The following ERLEC1 variants were observed in gnomAD, a reference collection of about 807,000 sequenced individuals.
ERLEC1 encodes the protein endoplasmic reticulum lectin 1.
ERLEC1 carries 47 observed loss-of-function variants against 68.0 expected under a neutral mutation model. The observed-to-expected ratio is 0.69, with a 90% confidence interval of 0.55 to 0.88. The LOEUF is 0.88. Among genes scored for constraint, ERLEC1 ranks in the 40% least tolerant of loss-of-function variants. ERLEC1 has a pLI of 0.00. For synonymous variants in ERLEC1, 225 were observed against 203.2 expected (o/e 1.11, Z -0.91); for missense variants, 567 against 583.8 (o/e 0.97, Z 0.30).
chr2:53,817,046 C>T (rs532080492), intron 13 of ERLEC1, among the ~76,000 whole-genome samples: 1 of 152,040 alleles, frequency 6.6e-6, no homozygotes, highest in Admixed American at 6.6e-5. Flanking sequence ...TCTGCTGTGC[C>T]CAGTCCATTG....
In ERLEC1 at chr2:53,808,339, T is replaced by C. The variant is rs144335627; in HGVS notation, c.920T>C (p.Ile307Thr). Residue 307 changes from isoleucine (I) to threonine (T), a missense_variant, in exon 9 of 14, where the codon ATC becomes ACC. Transcript: ENST00000185150. ...QSTKEERFPA[I>T]HKSIAIGSQP... is the part of the protein sequence containing the mutation. Reference sequence around the variant, plus strand: ...ACTAAAGAAGAGAGATTTCCAGCGATCCACAAGTCGATTGCTATTGGCTCT... The same window carrying C: ...ACTAAAGAAGAGAGATTTCCAGCGACCCACAAGTCGATTGCTATTGGCTCT... 5 of 1,614,044 alleles carry C rather than the reference T, an allele frequency of 3.1e-6. No homozygotes were observed. The highest frequency in any genetic ancestry group is 2.5e-6 in the Non-Finnish European group (3 of 1,180,038).
Position 53,818,045 on chromosome 2 carries a change from A to G in ERLEC1, c.*76A>G. On this transcript the variant is annotated 3_prime_UTR_variant, in exon 14 of 14. Coordinates refer to ENST00000185150, the MANE Select transcript of ERLEC1 (RefSeq NM_015701.5). ...TCTGTCCCACTGTGTCTCATTATAG[A>G]GTTCTCAGCCATTGGACCTCTTCTA... is the stretch of plus-strand genomic sequence containing the variant. 1 of 977,358 alleles carries G rather than the reference A, an allele frequency of 1.0e-6. No homozygotes were observed. The allele number at this position is 977,358 out of a possible 1,614,324, so 60.5% of individuals were successfully genotyped here.
intron 8 of ERLEC1, among the ~76,000 whole-genome samples, chr2:53,807,769 G>T (rs1444681538): frequency 6.6e-6 from 1 of 152,092 alleles, no homozygotes; most frequent in Non-Finnish European, 1.5e-5. Flanking sequence ...CACTTTGGGA[G>T]TCCGAGGTGG....
At position 53,787,540 on chromosome 2, in the gene ERLEC1, C is replaced by A; in HGVS notation, c.162+168C>A. 4 of 722,904 alleles carry A rather than the reference C, an allele frequency of 5.5e-6. No homozygotes were observed. In the East Asian group the frequency reaches 8.8e-5, roughly 16 times the overall value. 44.8% of individuals were successfully genotyped at this position (722,904 alleles called of 1,614,324 possible). ...GCGTTCATTCATTCGTTCGTTCTCA[C>A]GTTATGTGGATGCGTCCCCCTTGCT... On this transcript the variant is annotated intron_variant, in intron 1 of 13. Coordinates refer to ENST00000185150, the MANE Select transcript of ERLEC1 (RefSeq NM_015701.5).
Position 53,818,154 on chromosome 2 carries a change from A to G in ERLEC1, c.*185A>G, listed in dbSNP as rs1413392452. On this transcript the variant is annotated 3_prime_UTR_variant, in exon 14 of 14. Transcript: ENST00000185150. ...TTATTGATAAACTTCTGAGGCAGAC[A>G]TTTGTCTCGCTTTTTTTCATTTTTG... is the stretch of plus-strand genomic sequence containing the variant. 2 of 441,686 alleles carry G rather than the reference A, an allele frequency of 4.5e-6. No individual in the cohort carries two copies. Among genetic ancestry groups the G allele is most frequent in the African/African-American group, 3.9e-5 (2 of 51,042 alleles). 27.4% of individuals were successfully genotyped at this position (441,686 alleles called of 1,614,324 possible). A position where few individuals can be genotyped will look rare whatever the true frequency, so the allele number is the denominator to read the frequency against.
intron 13 of ERLEC1, among the ~76,000 whole-genome samples, chr2:53,815,983 A>G (rs979024499): frequency 1.3e-5 from 2 of 151,568 alleles, no homozygotes; most frequent in African/African-American, 4.9e-5. Context: ...TGGCTTGCCT[A>G]TTCATTTTTC....
intron 8 of ERLEC1, among the ~76,000 whole-genome samples, chr2:53,804,966 CGTT>C (rs1432849316): frequency 6.7e-6 from 1 of 149,146 alleles, no homozygotes. Context: ...ATTCCATCCA[CGTT>C]GTTGCAAATG....
rs751868369 is a variant in ERLEC1, at chr2:53,790,015, CAAAAAAA to C, written c.162+2653_162+2659del. Among the ~76,000 whole-genome samples the C allele has an allele frequency of 3.8e-4, 33 of 85,966 alleles. No individual in the cohort carries two copies. The East Asian group carries it at 8.8e-3, about 23-fold the overall frequency. The allele number at this position is 85,966 out of a possible 152,430, so 56.4% of individuals were successfully genotyped here. A position where few individuals can be genotyped will look rare whatever the true frequency, so the allele number is the denominator to read the frequency against. ...TCCTGGGCGACAGAGGAGTCTGTCT[CAAAAAAA>C]AAAAAAAAAGAAAAGAAAAGAAACC... On this transcript the variant is annotated intron_variant, in intron 1 of 13. Coordinates refer to ENST00000185150, the MANE Select transcript of ERLEC1 (RefSeq NM_015701.5).
rs564246172 is a variant in ERLEC1, at chr2:53,794,945, G to A, written c.267+496G>A. Among the ~76,000 whole-genome samples the A allele has an allele frequency of 2.5e-3, 374 of 152,244 alleles. 1 individual carries two copies. The highest frequency in any genetic ancestry group is 8.8e-3 in the African/African-American group (365 of 41,554). On this transcript the variant is annotated intron_variant, in intron 2 of 13. Coordinates refer to ENST00000185150, the MANE Select transcript of ERLEC1 (RefSeq NM_015701.5). ...TGGGATTACAGGCATGAGACACCAT[G>A]CCCGGCCGCAACCAATTATTAACGT...
chr2:53,814,183 A>G (rs1676738812), intron 11 of ERLEC1, among the ~76,000 whole-genome samples: 1 of 152,190 alleles, frequency 6.6e-6, no homozygotes, highest in African/African-American at 2.4e-5. Context: ...TTGATGGAGG[A>G]CGGAAGCAAA....
In ERLEC1 at chr2:53,797,542, T is replaced by C; in HGVS notation, c.376T>C (p.Cys126Arg). The C allele has an allele frequency of 2.5e-6, 4 of 1,612,604 alleles. No homozygotes were observed. The highest frequency in any genetic ancestry group is 2.5e-6 in the Non-Finnish European group (3 of 1,179,470). Reference sequence around the variant, plus strand: ...TGAGTCTTATTGGACTTACGAAGTATGTCATGGAAAACACATTCGGCAGTA... The same window carrying C: ...TGAGTCTTATTGGACTTACGAAGTACGTCATGGAAAACACATTCGGCAGTA... ...RIESYWTYEV[C>R]HGKHIRQYHE... The change falls in exon 4 of 14, where the codon TGT becomes CGT. Residue 126 changes from cysteine (C) to arginine (R), a missense_variant. By Grantham distance (180) the Cys-to-Arg change is radical. Transcript: ENST00000185150.
At chr2:53,792,460 T>C (rs1675463750) in intron 1 of ERLEC1, among the ~76,000 whole-genome samples, 1 of 152,230 alleles carries the variant, frequency 6.6e-6, no homozygotes. Context: ...TTCTCTGGCC[T>C]CTGCTACTTC....
At chr2:53,799,685 TA>T (rs1675905640) in intron 6 of ERLEC1, among the ~76,000 whole-genome samples, 1 of 152,176 alleles carries the variant, frequency 6.6e-6, no homozygotes, top group South Asian at 2.1e-4. Flanking sequence ...AACTTATTAA[TA>T]GAGGATATTT....
At chr2:53,795,780 A>T (rs1360973862) in intron 2 of ERLEC1, among the ~76,000 whole-genome samples, 153 bp from the exon 3 acceptor site, 1 of 152,206 alleles carries the variant, frequency 6.6e-6, no homozygotes, top group Non-Finnish European at 1.5e-5. Context: ...TTTGAAAGCA[A>T]TGGCGTACCG....
chr2:53,790,257 CT>C (rs2104270705), intron 1 of ERLEC1, among the ~76,000 whole-genome samples: 1 of 108,980 alleles, frequency 9.2e-6, no homozygotes, highest in African/African-American at 3.8e-5. Context: ...CCACACCTGG[CT>C]AATTTTTTTT....
At chr2:53,790,665 AG>A (rs1675344448) in intron 1 of ERLEC1, among the ~76,000 whole-genome samples, 1 of 152,114 alleles carries the variant, frequency 6.6e-6, no homozygotes, top group East Asian at 1.9e-4. Context: ...TGGTAGAGAT[AG>A]TTTCCCTATG....
At chr2:53,816,091 A>T (rs888322361) in intron 13 of ERLEC1, among the ~76,000 whole-genome samples, 2 of 151,742 alleles carry the variant, frequency 1.3e-5, no homozygotes, top group African/African-American at 2.4e-5. Flanking sequence ...TTGCCTCCCA[A>T]AGTGCAGGGA....
At position 53,814,995 on chromosome 2, in the gene ERLEC1, CTTTTTTTT is replaced by C. The variant is rs777632156; in HGVS notation, c.1380+74_1380+81del. 848 of 470,024 alleles carry C rather than the reference CTTTTTTTT, an allele frequency of 1.8e-3. 1 individual carries two copies. Among genetic ancestry groups the C allele is most frequent in the Middle Eastern group, 6.9e-3 (9 of 1,308 alleles). The allele number at this position is 470,024 out of a possible 1,614,324, so 29.1% of individuals were successfully genotyped here. A position where few individuals can be genotyped will look rare whatever the true frequency, so the allele number is the denominator to read the frequency against. ...TTGAGCCATGTTTTAATTTTTTTTT[CTTTTTTTT>C]TTTTTTTTTTTTTGTTTTTTTGAGA... On this transcript the variant is annotated intron_variant, in intron 13 of 13. Transcript: ENST00000185150.
chr2:53,796,115 T>C lies in ERLEC1; in HGVS notation c.348+102T>C. The C allele has an allele frequency of 3.9e-6, 3 of 762,060 alleles. No individual in the cohort carries two copies. The East Asian group carries it at 8.3e-5, about 21-fold the overall frequency. The allele number at this position is 762,060 out of a possible 1,614,324, so 47.2% of individuals were successfully genotyped here. A position where few individuals can be genotyped will look rare whatever the true frequency, so the allele number is the denominator to read the frequency against. ...TCTTTATTATGTTGTGTCAGGTTTTTTTTTTTAACTATTATTTTAGGTTTA... is the reference window on the plus strand; with the variant it reads ...TCTTTATTATGTTGTGTCAGGTTTTCTTTTTTAACTATTATTTTAGGTTTA... On this transcript the variant is annotated intron_variant, in intron 3 of 13. Coordinates refer to ENST00000185150, the MANE Select transcript of ERLEC1 (RefSeq NM_015701.5).
Sources: allele counts gnomAD v4.1 joint callset (sites outside exome capture counted in the v4.1 genomes callset), GRCh38; gene constraint gnomAD v4.1.1; transcripts MANE v1.5; gene names NCBI Gene and HGNC (gene_info 2026-07-23, HGNC 2026-07-21).